Variants in LSM7 observed in about 807,000 individuals in gnomAD.
LSM7 encodes LSM7 homolog, U6 small nuclear RNA and mRNA degradation associated, also known as U6 snRNA-associated Sm-like protein LSm7.
A neutral mutation model predicts 14.1 loss-of-function variants in LSM7; 13 were observed. That is an observed-to-expected ratio of 0.92 (90% CI 0.60 to 1.47). The LOEUF (loss-of-function observed/expected upper bound fraction) is 1.47. Among genes scored for constraint, LSM7 ranks in the 40% most tolerant of loss-of-function variants. The pLI is 0.00. For synonymous variants in LSM7, 70 were observed against 57.1 expected (o/e 1.23, Z -1.02); for missense variants, 108 against 140.8 (o/e 0.77, Z 1.18).
Position 2,321,821 on chromosome 19 carries a change from G to A in LSM7, c.171C>T (p.Asp57=). The A allele has an allele frequency of 6.8e-7, 1 of 1,472,086 alleles. No individual in the cohort carries two copies. The highest frequency in any genetic ancestry group is 2.7e-5 in the East Asian group (1 of 37,434). The allele number at this position is 1,472,086 out of a possible 1,614,324, so 91.2% of individuals were successfully genotyped here. A position where few individuals can be genotyped will look rare whatever the true frequency, so the allele number is the denominator to read the frequency against. ...VLDGTIEYMR[D]PDDQYKLTED... ...CCGTGAGCTTGTACTGGTCGTCAGG[G>A]TCTGGGGAGGAGCAGATAGAGAGGA... Residue 57 remains aspartate (D), a splice_region_variant and synonymous_variant, in exon 4 of 4, where the codon GAC becomes GAT. Transcript: ENST00000252622. This position sits in a 1 kb window ranked among gnomAD's most constrained non-coding sequence, Gnocchi z 5.0.
intron 3 of LSM7, among the ~76,000 whole-genome samples, chr19:2,323,524 C>T (rs1028616239): frequency 2.6e-5 from 4 of 152,180 alleles, no homozygotes; most frequent in Non-Finnish European, 4.4e-5. Flanking sequence ...CATCTCGGCT[C>T]ACTGCAACCT....
At chr19:2,324,484 G>T in intron 2 of LSM7, 1 of 494,514 alleles carries the variant, frequency 2.0e-6, no homozygotes, top group Non-Finnish European at 3.7e-6. Flanking sequence ...AGGCAGCTTC[G>T]GTAATGAGTC....
Position 2,328,480 on chromosome 19 carries a change from G to T in LSM7, c.7-3C>A, listed in dbSNP as rs113402573. On this transcript the variant is annotated splice_polypyrimidine_tract_variant and splice_region_variant and intron_variant, in intron 1 of 3. Coordinates refer to ENST00000252622, the MANE Select transcript of LSM7 (RefSeq NM_016199.3). ...TCCTTTTTCTTCTTCTCCTTATCCT[G>T]CGGGGAAAGCAGAGCGCATGAGACC... 1 of 1,613,494 alleles carries T rather than the reference G, an allele frequency of 6.2e-7. No individual in the cohort carries two copies. Among genetic ancestry groups the T allele is most frequent in the Non-Finnish European group, 8.5e-7 (1 of 1,179,788 alleles).
chr19:2,321,911 C>G lies in LSM7; in HGVS notation c.170-89G>C, dbSNP rs985143960. 5.3e-5 allele frequency: 65 copies of G among 1,222,472 alleles called. No homozygotes were observed. The highest frequency in any genetic ancestry group is 6.2e-5 in the Non-Finnish European group (59 of 946,458). 75.7% of individuals were successfully genotyped at this position (1,222,472 alleles called of 1,614,324 possible). On this transcript the variant is annotated intron_variant, in intron 3 of 3. Coordinates refer to ENST00000252622, the MANE Select transcript of LSM7 (RefSeq NM_016199.3). This position sits in a 1 kb window ranked among gnomAD's most constrained non-coding sequence, Gnocchi z 5.0. ...CCCAAGACCCTCGCTCCGACCTCCC[C>G]ACCTGCACCCTGCAGGCGCCACGAG...
Position 2,321,767 on chromosome 19 carries a change from C to T in LSM7, c.225G>A (p.Val75=). ...TTAGCACCACGGACGTGCCCCGGCA[C>T]ACCACGAGGCCCAGCTGCCGGGTGT... is the stretch of plus-strand genomic sequence containing the variant. ...TEDTRQLGLV[V]CRGTSVVLIC... The change falls in exon 4 of 4, where the codon GTG becomes GTA. Residue 75 remains valine, a synonymous_variant. Coordinates refer to ENST00000252622, the MANE Select transcript of LSM7 (RefSeq NM_016199.3). This position sits in a 1 kb window ranked among gnomAD's most constrained non-coding sequence, Gnocchi z 5.0. The T allele has an allele frequency of 6.4e-7, 1 of 1,559,076 alleles. No individual in the cohort carries two copies. The highest frequency in any genetic ancestry group is 8.7e-7 in the Non-Finnish European group (1 of 1,152,502).
intron 2 of LSM7, among the ~76,000 whole-genome samples, chr19:2,326,989 G>C (rs886883): frequency 0.19 from 28,271 of 152,122 alleles, 2,733 homozygotes; most frequent in East Asian, 0.23. Context: ...ATAACCAGTG[G>C]GCTCAGAAGA....
chr19:2,324,426 G>A (rs1426817965), intron 2 of LSM7: 15 of 544,868 alleles, frequency 2.8e-5, no homozygotes, highest in Non-Finnish European at 5.0e-5. Flanking sequence ...CTGGCCGTGT[G>A]GGCCACAGGG....
chr19:2,324,050 C>T, intron 3 of LSM7, 75 bp downstream of exon 3: 3 of 734,850 alleles, frequency 4.1e-6, no homozygotes, highest in South Asian at 1.7e-5. Flanking sequence ...TCCCACTGCC[C>T]CCCTCGTCCC....
At chr19:2,327,319 G>A (rs1968048495) in intron 2 of LSM7, among the ~76,000 whole-genome samples, 1 of 152,160 alleles carries the variant, frequency 6.6e-6, no homozygotes, top group Admixed American at 6.5e-5. Flanking sequence ...GAGTGCGGTG[G>A]CACAATCTCG....
Position 2,321,919 on chromosome 19 carries a change from C to T in LSM7, c.170-97G>A, listed in dbSNP as rs1599177484. The T allele has an allele frequency of 1.7e-6, 2 of 1,178,696 alleles. No individual in the cohort carries two copies. Among genetic ancestry groups the T allele is most frequent in the Non-Finnish European group, 2.2e-6 (2 of 907,780 alleles). 73.0% of individuals were successfully genotyped at this position (1,178,696 alleles called of 1,614,324 possible). ...CCTCGCTCCGACCTCCCCACCTGCA[C>T]CCTGCAGGCGCCACGAGCACGCAGG... On this transcript the variant is annotated intron_variant, in intron 3 of 3. Coordinates refer to ENST00000252622, the MANE Select transcript of LSM7 (RefSeq NM_016199.3). The surrounding 1 kb of genome is among the most constrained non-coding windows in gnomAD (Gnocchi z 5.0).
At position 2,328,472 on chromosome 19, in the gene LSM7, C is replaced by T; in HGVS notation, c.12G>A (p.Lys4=). Residue 4 remains lysine (K), a synonymous_variant, in exon 2 of 4, where the codon AAG becomes AAA. Coordinates refer to ENST00000252622, the MANE Select transcript of LSM7 (RefSeq NM_016199.3). MAD[K]EKKKKESILD... is the part of the protein sequence containing the mutation. Reference sequence around the variant, plus strand: ...AGATGCTCTCCTTTTTCTTCTTCTCCTTATCCTGCGGGGAAAGCAGAGCGC... The same window carrying T: ...AGATGCTCTCCTTTTTCTTCTTCTCTTTATCCTGCGGGGAAAGCAGAGCGC... 3 of 1,613,794 alleles carry T rather than the reference C, an allele frequency of 1.9e-6. No individual in the cohort carries two copies. Among genetic ancestry groups the T allele is most frequent in the Non-Finnish European group, 2.5e-6 (3 of 1,179,838 alleles).
intron 2 of LSM7, chr19:2,324,435 G>C: frequency 1.9e-6 from 1 of 536,112 alleles, no homozygotes; most frequent in South Asian, 2.2e-5. Context: ...TGGGCCACAG[G>C]GTGCCGGTCA....
chr19:2,326,362 G>A (rs998234592), intron 2 of LSM7, among the ~76,000 whole-genome samples: 2 of 147,886 alleles, frequency 1.4e-5, no homozygotes, highest in Non-Finnish European at 3.0e-5. Flanking sequence ...GTGTGTTTGA[G>A]ATGGAGTCTT....
intron 2 of LSM7, among the ~76,000 whole-genome samples, chr19:2,325,491 C>A (rs1447864746): frequency 6.6e-6 from 1 of 152,200 alleles, no homozygotes; most frequent in East Asian, 1.9e-4. Flanking sequence ...TGCACGCCCA[C>A]GCCAATCTCA....
At chr19:2,324,921 G>A (rs1220937039) in intron 2 of LSM7, 1 of 152,768 alleles carries the variant, frequency 6.5e-6, no homozygotes. Context: ...TCCTGTAGGG[G>A]AGACAGAGTG....
At chr19:2,328,226 C>A (rs1483877244) in intron 2 of LSM7, 161 bp downstream of exon 2, 2 of 631,130 alleles carry the variant, frequency 3.2e-6, no homozygotes, top group Non-Finnish European at 5.4e-6. Flanking sequence ...GCTGAGATCG[C>A]ACCACTGCAC....
chr19:2,324,200 G>C lies in LSM7; in HGVS notation c.98-4C>G, dbSNP rs567469339. 1.3e-6 allele frequency: 2 copies of C among 1,573,830 alleles called. No individual in the cohort carries two copies. The highest frequency in any genetic ancestry group is 1.2e-5 in the South Asian group (1 of 85,590). The stretch of plus-strand genomic sequence containing the variant: ...AAGCCCTTCAGGATTCCACTGGCTT[G>C]GAGAAATCACCGGGGGAGAGAAAAG... On this transcript the variant is annotated splice_region_variant and splice_polypyrimidine_tract_variant and intron_variant, in intron 2 of 3. Coordinates refer to ENST00000252622, the MANE Select transcript of LSM7 (RefSeq NM_016199.3).
chr19:2,326,335 T>TGTGC (rs1968017533), intron 2 of LSM7, among the ~76,000 whole-genome samples: 1 of 150,656 alleles, frequency 6.6e-6, no homozygotes, highest in African/African-American at 2.5e-5. Flanking sequence ...TGTGTGTGTG[T>TGTGC]GTGTGTGTGT....
chr19:2,328,299 G>A, intron 2 of LSM7, 88 bp downstream of exon 2: 5 of 1,086,830 alleles, frequency 4.6e-6, no homozygotes, highest in Non-Finnish European at 5.4e-6. Context: ...AATAAAAGAG[G>A]TGCTTCCGCA....
Sources: gnomAD v4.1 joint callset for allele counts (sites outside exome capture counted in the v4.1 genomes callset) on GRCh38, gnomAD v4.1.1 for gene constraint, Gnocchi (gnomAD v3.1) non-coding constraint, MANE v1.5 for transcripts, NCBI Gene and HGNC (gene_info 2026-07-23, HGNC 2026-07-21) for gene names.